The following TNKS1BP1 variants were observed in gnomAD, a reference collection of about 807,000 sequenced individuals.
The protein encoded by TNKS1BP1 is CCR4-NOT transcription complex subunit 12.
A neutral mutation model predicts 141.1 loss-of-function variants in TNKS1BP1; 48 were observed. The ratio of observed to expected loss-of-function variants is 0.34; its 90% CI spans 0.27 to 0.43. The LOEUF is 0.43. TNKS1BP1 is among the 20% of genes least tolerant of loss of function. The pLI is 1.00. For missense variants in TNKS1BP1, 2,149 were observed against 2,226.0 expected, an observed-to-expected ratio of 0.97 and a Z score of 0.70; for synonymous variants, 875 against 898.2, an observed-to-expected ratio of 0.97 and a Z score of 0.46.
chr11:57,317,522 C>T (rs1046690896), intron 4 of TNKS1BP1, among the ~76,000 whole-genome samples: 1 of 152,226 alleles, frequency 6.6e-6, no homozygotes, highest in Non-Finnish European at 1.5e-5. Context: ...AGTTGGTTAA[C>T]GTTCCCAGGA....
In TNKS1BP1 at chr11:57,302,675, T is replaced by C. The variant is rs959540888; in HGVS notation, c.4467A>G (p.Ala1489=). 17 of 1,607,596 alleles carry C rather than the reference T, an allele frequency of 1.1e-5. No individual in the cohort carries two copies. The highest frequency in any genetic ancestry group is 4.0e-5 in the African/African-American group (3 of 74,870). The change falls in exon 7 of 12, where the codon GCA becomes GCG. Residue 1489 remains alanine, a synonymous_variant. Coordinates refer to ENST00000358252, the MANE Select transcript of TNKS1BP1 (RefSeq NM_033396.3). This position sits in a 1 kb window ranked among gnomAD's most constrained non-coding sequence, Gnocchi z 5.5. The part of the protein sequence containing the change: ...GGLLEEEGAG[A]GAAQEEVLEP... Reference sequence around the variant, plus strand: ...CCAGCACCTCCTCTTGGGCAGCACCTGCCCCGGCTCCTTCCTCCTCCAACA... The same window carrying C: ...CCAGCACCTCCTCTTGGGCAGCACCCGCCCCGGCTCCTTCCTCCTCCAACA...
At position 57,302,823 on chromosome 11, in the gene TNKS1BP1, G is replaced by A. The variant is rs1455211776; in HGVS notation, c.4319C>T (p.Pro1440Leu). The A allele has an allele frequency of 2.0e-6, 3 of 1,526,396 alleles. No homozygotes were observed. The highest frequency in any genetic ancestry group is 1.2e-5 in the South Asian group (1 of 80,876). The allele number at this position is 1,526,396 out of a possible 1,614,324, so 94.6% of individuals were successfully genotyped here. A position where few individuals can be genotyped will look rare whatever the true frequency, so the allele number is the denominator to read the frequency against. Reference protein sequence around the residue: ...TGEALSFGASPGRCPARPPPS... With the variant: ...TGEALSFGASLGRCPARPPPS... ...TGGGGGGCGGGCCGGGCACCTGCCA[G>A]GGCTGTAAAGGGGACAGAGAGAGAA... The change falls in exon 7 of 12, where the codon CCT becomes CTT. Residue 1440 changes from proline (P) to leucine (L), a missense_variant and splice_region_variant. Coordinates refer to ENST00000358252, the MANE Select transcript of TNKS1BP1 (RefSeq NM_033396.3). This position sits in a 1 kb window ranked among gnomAD's most constrained non-coding sequence, Gnocchi z 5.5.
chr11:57,306,420 A>G (rs563402848), intron 6 of TNKS1BP1, among the ~76,000 whole-genome samples: 15 of 152,224 alleles, frequency 9.9e-5, no homozygotes, highest in Non-Finnish European at 1.8e-4. Context: ...AGGTACTAAT[A>G]TATGCTAATA....
At position 57,313,223 on chromosome 11, in the gene TNKS1BP1, C is replaced by T. The variant is rs75070063; in HGVS notation, c.1465G>A (p.Val489Met). The T allele has an allele frequency of 4.2e-4, 675 of 1,612,772 alleles. 3 individuals carry two copies. The African/African-American group carries it at 6.6e-3, about 16-fold the overall frequency. ...GGAGGCGGGGAGTCCAGCCGCCACA[C>T]GCCCAGACCCGAGGGCCTCGTGGGG... The part of the protein sequence containing the change: ...TFPTRPSGLG[V>M]WRLDSPPPSP... The change falls in exon 5 of 12, where the codon GTG becomes ATG. Residue 489 changes from valine (V) to methionine (M), a missense_variant. By Grantham distance (21) the Val-to-Met change is conservative (BLOSUM62 1). Transcript: ENST00000358252.
chr11:57,310,072 T>C lies in TNKS1BP1; in HGVS notation c.2639A>G (p.Asp880Gly), dbSNP rs1855680849. The C allele has an allele frequency of 6.2e-7, 1 of 1,614,166 alleles. No individual in the cohort carries two copies. The highest frequency in any genetic ancestry group is 8.5e-7 in the Non-Finnish European group (1 of 1,180,034). The change falls in exon 6 of 12, where the codon GAT becomes GGT. Residue 880 changes from aspartate (D) to glycine (G), a missense_variant. Transcript: ENST00000358252. ...RDSLGTYSSR[D>G]VSLGDWEFGK... The stretch of plus-strand genomic sequence containing the variant: ...AAATTCCCAGTCCCCAAGGCTTACA[T>C]CTCGACTACTGTAGGTACCCAGTGA...
intron 9 of TNKS1BP1, 34 bp downstream of exon 9, chr11:57,301,773 G>C (rs770933673): frequency 6.3e-7 from 1 of 1,594,350 alleles, no homozygotes; most frequent in African/African-American, 1.3e-5. Flanking sequence ...CTGGCCAGAT[G>C]GCTGGACATG....
chr11:57,311,451 CTG>C (rs1450243065), intron 5 of TNKS1BP1: 1 of 985,770 alleles, frequency 1.0e-6, no homozygotes. Context: ...GCGCTGGGAC[CTG>C]TCCGACGGCT....
rs768422961 is a variant in TNKS1BP1 at position 57,320,266 on chromosome 11, G to A, written c.541C>T (p.Arg181Cys). Residue 181 changes from arginine to cysteine, a missense_variant, in exon 3 of 12, where the codon CGC becomes TGC. Arg to Cys is a radical substitution (Grantham distance 180). Coordinates refer to ENST00000358252, the MANE Select transcript of TNKS1BP1 (RefSeq NM_033396.3). ...PRKEVLASPD[R>C]LWGSRLTFNH... ...AAGGTGAGGCGGGAACCCCACAGGC[G>A]GTCGGGGCTGGCAAGGACCTCCTTC... 1.4e-5 allele frequency: 22 copies of A among 1,614,060 alleles called. No homozygotes were observed. The highest frequency in any genetic ancestry group is 3.3e-4 in the Middle Eastern group (2 of 6,084).
Position 57,310,136 on chromosome 11 carries a change from C to A in TNKS1BP1, c.2575G>T (p.Asp859Tyr). The A allele has an allele frequency of 6.2e-7, 1 of 1,614,202 alleles. No individual in the cohort carries two copies. Among genetic ancestry groups the A allele is most frequent in the Non-Finnish European group, 8.5e-7 (1 of 1,180,042 alleles). The change falls in exon 6 of 12, where the codon GAT becomes TAT. Residue 859 changes from aspartate to tyrosine, a missense_variant. By Grantham distance (160) the Asp-to-Tyr change is radical. Transcript: ENST00000358252. Reference sequence around the variant, plus strand: ...AATTCCTGGTCCTGGAGTTCTGCATCCCGGCTGGAGTAAGTGCCCTGGGAA... The same window carrying A: ...AATTCCTGGTCCTGGAGTTCTGCATACCGGCTGGAGTAAGTGCCCTGGGAA... ...RDSQGTYSSR[D>Y]AELQDQEFGK... is the part of the protein sequence containing the mutation.
At position 57,319,817 on chromosome 11, in the gene TNKS1BP1, C is replaced by T. The variant is rs1015654256; in HGVS notation, c.728+262G>A. 9.4e-5 allele frequency among the ~76,000 whole-genome samples: 14 copies of T among 149,356 alleles called. No individual in the cohort carries two copies. In the South Asian group the frequency reaches 1.1e-3, roughly 11 times the overall value. On this transcript the variant is annotated intron_variant, in intron 3 of 11. Transcript: ENST00000358252. The stretch of plus-strand genomic sequence containing the variant: ...TTGTCTATTAAACTTCTATACTGTA[C>T]ATTTGAACTCTCTAACATAAACCTG...
rs762676454 is a variant in TNKS1BP1 at position 57,302,272 on chromosome 11, G to A, written c.4684-48C>T. 27 of 1,580,762 alleles carry A rather than the reference G, an allele frequency of 1.7e-5. 1 individual carries two copies. The highest frequency in any genetic ancestry group is 9.0e-5 in the South Asian group (8 of 89,150). On this transcript the variant is annotated intron_variant, in intron 7 of 11. Transcript: ENST00000358252. This position sits in a 1 kb window ranked among gnomAD's most constrained non-coding sequence, Gnocchi z 5.5. Reference sequence around the variant, plus strand: ...CACTGCCATTGCTGCCTCATCCCACGGGAGCCCCTCAACAGTAGCTGACCA... The same window carrying A: ...CACTGCCATTGCTGCCTCATCCCACAGGAGCCCCTCAACAGTAGCTGACCA...
Position 57,309,701 on chromosome 11 carries a change from T to C in TNKS1BP1, c.3010A>G (p.Ser1004Gly). Reference sequence around the variant, plus strand: ...CCCTCTCCAAGGCTGTCTTCCACACTTGGAATCTTCTTCTCAAATTCCTCA... The same window carrying C: ...CCCTCTCCAAGGCTGTCTTCCACACCTGGAATCTTCTTCTCAAATTCCTCA... The part of the protein sequence containing the change: ...QDEEFEKKIP[S>G]VEDSLGEGSR... Residue 1004 changes from serine (S) to glycine (G), a missense_variant, in exon 6 of 12, where the codon AGT (serine) becomes GGT (glycine). Coordinates refer to ENST00000358252, the MANE Select transcript of TNKS1BP1 (RefSeq NM_033396.3). The surrounding 1 kb of genome is among the most constrained non-coding windows in gnomAD (Gnocchi z 4.3). 1 of 1,614,220 alleles carries C rather than the reference T, an allele frequency of 6.2e-7. No individual in the cohort carries two copies. The highest frequency in any genetic ancestry group is 8.5e-7 in the Non-Finnish European group (1 of 1,180,030).
chr11:57,312,548 T>G lies in TNKS1BP1; in HGVS notation c.2140A>C (p.Ser714Arg). Residue 714 changes from serine to arginine, a missense_variant, in exon 5 of 12, where the codon AGT becomes CGT. Physicochemically the swap from Ser to Arg is moderately radical, Grantham distance 110. Transcript: ENST00000358252. The stretch of plus-strand genomic sequence containing the variant: ...CCCATTCTCACCTCAGAGCAGGTAC[T>G]TGGGGACTGTGTGTCCTTCAGCTCA... ...GAELKDTQSP[S>R]TCSEGLLGWS... 6.7e-7 allele frequency: 1 copy of G among 1,498,264 alleles called. No individual in the cohort carries two copies. The highest frequency in any genetic ancestry group is 1.4e-5 in the South Asian group (1 of 71,926). 92.8% of individuals were successfully genotyped at this position (1,498,264 alleles called of 1,614,324 possible).
intron 6 of TNKS1BP1, among the ~76,000 whole-genome samples, chr11:57,305,727 C>A (rs1855599906): frequency 6.6e-6 from 1 of 152,200 alleles, no homozygotes; most frequent in South Asian, 2.1e-4. Flanking sequence ...CACTGCCTCT[C>A]TGGGTCTCAG....
Position 57,310,635 on chromosome 11 carries a change from C to T in TNKS1BP1, c.2155-79G>A, listed in dbSNP as rs1186329030. On this transcript the variant is annotated intron_variant, in intron 5 of 11. Coordinates refer to ENST00000358252, the MANE Select transcript of TNKS1BP1 (RefSeq NM_033396.3). Reference sequence around the variant, plus strand: ...GTGGGAGTCAATCCAGCAGAGTCAGCGCTGCCTAGTGCCTGAAAGCCCCAC... The same window carrying T: ...GTGGGAGTCAATCCAGCAGAGTCAGTGCTGCCTAGTGCCTGAAAGCCCCAC... The T allele has an allele frequency of 3.4e-5, 51 of 1,510,670 alleles. No individual in the cohort carries two copies. In the Middle Eastern group the frequency reaches 6.9e-4, roughly 20 times the overall value. 93.6% of individuals were successfully genotyped at this position (1,510,670 alleles called of 1,614,324 possible).
chr11:57,309,250 G>A lies in TNKS1BP1; in HGVS notation c.3461C>T (p.Thr1154Ile). The change falls in exon 6 of 12, where the codon ACC becomes ATC. Residue 1154 changes from threonine (T) to isoleucine (I), a missense_variant. By Grantham distance (89) the Thr-to-Ile change is moderately conservative. Transcript: ENST00000358252. This position sits in a 1 kb window ranked among gnomAD's most constrained non-coding sequence, Gnocchi z 4.3. Reference sequence around the variant, plus strand: ...AGTCCAGTCCACCGAGCCAGCTGTGGTCTTCCCAGGAGGCACAAAGTGACC... The same window carrying A: ...AGTCCAGTCCACCGAGCCAGCTGTGATCTTCCCAGGAGGCACAAAGTGACC... ...EGGHFVPPGK[T>I]TAGSVDWTDQ... 1 of 1,614,120 alleles carries A rather than the reference G, an allele frequency of 6.2e-7. No homozygotes were observed. Among genetic ancestry groups the A allele is most frequent in the Non-Finnish European group, 8.5e-7 (1 of 1,180,030 alleles).
At position 57,302,774 on chromosome 11, in the gene TNKS1BP1, C is replaced by T. The variant is rs1416154075; in HGVS notation, c.4368G>A (p.Leu1456=). The change falls in exon 7 of 12, where the codon CTG becomes CTA. Residue 1456 remains leucine (L), a synonymous_variant. Coordinates refer to ENST00000358252, the MANE Select transcript of TNKS1BP1 (RefSeq NM_033396.3). This position sits in a 1 kb window ranked among gnomAD's most constrained non-coding sequence, Gnocchi z 5.5. ...RPPPSGSQGL[L]EEMLAASSSK... ...AGCTGCTGGCTGCCAGCATCTCCTC[C>T]AGCAGGCCCTGGGAGCCGGAGGGTG... The T allele has an allele frequency of 6.4e-7, 1 of 1,565,774 alleles. No homozygotes were observed. Among genetic ancestry groups the T allele is most frequent in the South Asian group, 1.2e-5 (1 of 86,908 alleles).
At chr11:57,317,782 T>TA in intron 4 of TNKS1BP1, 36 bp downstream of exon 4, 1 of 1,599,350 alleles carries the variant, frequency 6.3e-7, no homozygotes, top group Non-Finnish European at 8.6e-7. Flanking sequence ...AGCTCTAAAA[T>TA]ACGTGATTCT....
intron 2 of TNKS1BP1, 119 bp downstream of exon 2, chr11:57,321,673 T>C (rs1855887935): frequency 8.5e-7 from 1 of 1,174,866 alleles, no homozygotes. Context: ...GCCTTGGTAC[T>C]CCTTCCCTAT....
Sources: gnomAD v4.1 joint callset for allele counts (sites outside exome capture counted in the v4.1 genomes callset) on GRCh38, gnomAD v4.1.1 for gene constraint, Gnocchi (gnomAD v3.1) non-coding constraint, MANE v1.5 for transcripts, NCBI Gene and HGNC (gene_info 2026-07-23, HGNC 2026-07-21) for gene names.